CSMD3: variants seen among roughly 807,000 people sequenced by gnomAD.
CSMD3 encodes CUB and Sushi multiple domains 3.
In CSMD3, 177 loss-of-function variants were observed where a neutral mutation model predicts 435.2. That is an observed-to-expected ratio of 0.41 (90% CI 0.36 to 0.46). The LOEUF (loss-of-function observed/expected upper bound fraction) is 0.46. Among genes scored for constraint, CSMD3 ranks in the 20% least tolerant of loss-of-function variants. CSMD3 has a pLI of 0.34. For synonymous variants in CSMD3, 1,656 were observed against 1,520.5 expected (o/e 1.09, Z -2.07); for missense variants, 4,265 against 4,504.6 (o/e 0.95, Z 1.52).
At chr8:113,035,111 A>C (rs1286759000) in intron 5 of CSMD3, among the ~76,000 whole-genome samples, 1 of 152,046 alleles carries the variant, frequency 6.6e-6, no homozygotes, top group Admixed American at 6.6e-5. Context: ...TAAAGGAATG[A>C]TAATGACAAG....
At chr8:113,245,957 C>A (rs928150450) in intron 3 of CSMD3, among the ~76,000 whole-genome samples, 10 of 152,068 alleles carry the variant, frequency 6.6e-5, no homozygotes, top group Admixed American at 2.6e-4. Context: ...CTTTTAACCT[C>A]CATAAGAAAC....
chr8:112,374,809 C>T (rs11778443), intron 38 of CSMD3, among the ~76,000 whole-genome samples: 30,913 of 152,042 alleles, frequency 0.2, 3,693 homozygotes, highest in East Asian at 0.39. Context: ...ACAGTTAACA[C>T]ATTTCACAGA....
At chr8:113,105,797 A>G (rs2090457501) in intron 4 of CSMD3, among the ~76,000 whole-genome samples, 1 of 152,174 alleles carries the variant, frequency 6.6e-6, no homozygotes, top group African/African-American at 2.4e-5. Context: ...TAATACATAC[A>G]TACTAGAAGA....
At chr8:112,558,716 G>T (rs979879804) in intron 24 of CSMD3, among the ~76,000 whole-genome samples, 1 of 151,846 alleles carries the variant, frequency 6.6e-6, no homozygotes, top group Admixed American at 6.6e-5. Context: ...GAAGGGGTGT[G>T]AGCAGAGAAT....
At chr8:112,704,974 A>G (rs911003975) in intron 13 of CSMD3, among the ~76,000 whole-genome samples, 1 of 152,046 alleles carries the variant, frequency 6.6e-6, no homozygotes, top group Admixed American at 6.6e-5. Flanking sequence ...CTTCTTGATG[A>G]TTATAAGTGG....
Position 112,314,130 on chromosome 8 carries a change from T to C in CSMD3, c.7550-78A>G, listed in dbSNP as rs1283869910. On this transcript the variant is annotated intron_variant, in intron 48 of 70. Coordinates refer to ENST00000297405, the MANE Select transcript of CSMD3 (RefSeq NM_198123.2). ...TCTTTAGTATTTTATATCTTTAGAA[T>C]AGTATTAAATATGGTTAAATTGCTT... 2.8e-6 allele frequency: 3 copies of C among 1,067,734 alleles called. No homozygotes were observed. The South Asian group carries it at 4.0e-5, about 14-fold the overall frequency. 66.1% of individuals were successfully genotyped at this position (1,067,734 alleles called of 1,614,324 possible).
chr8:112,979,510 A>G (rs1445264465), intron 6 of CSMD3, among the ~76,000 whole-genome samples: 1 of 151,752 alleles, frequency 6.6e-6, no homozygotes, highest in East Asian at 1.9e-4. Context: ...ATTTTTGAAT[A>G]CACAACTATT....
At chr8:113,309,936 TGGGA>T (rs2093854557) in intron 2 of CSMD3, 1 of 152,182 alleles carries the variant, frequency 6.6e-6, no homozygotes, top group Non-Finnish European at 1.5e-5. Context: ...TAAGGACTTT[TGGGA>T]AAGCTTTTGA....
At chr8:112,730,810 GGCTT>G (rs2077058675) in intron 13 of CSMD3, among the ~76,000 whole-genome samples, 1 of 152,060 alleles carries the variant, frequency 6.6e-6, no homozygotes. Flanking sequence ...ATCAATTTAG[GGCTT>G]GCTCTTGAGC....
chr8:113,397,905 C>T (rs560603566), intron 1 of CSMD3, among the ~76,000 whole-genome samples: 31 of 151,990 alleles, frequency 2.0e-4, no homozygotes, highest in Admixed American at 6.6e-4. Context: ...CAGCTGAGTT[C>T]AAACAGCAGG....
intron 1 of CSMD3, among the ~76,000 whole-genome samples, chr8:113,332,931 A>G (rs568696797): frequency 1.3e-5 from 2 of 151,936 alleles, no homozygotes; most frequent in South Asian, 4.1e-4. Flanking sequence ...AAAGATGGAC[A>G]TAAGATTAAT....
At chr8:112,917,293 T>C (rs1045033322) in intron 10 of CSMD3, among the ~76,000 whole-genome samples, 11 of 152,044 alleles carry the variant, frequency 7.2e-5, no homozygotes, top group Middle Eastern at 6.8e-3. Context: ...TTAAATGCTA[T>C]ATTGTGTGGC....
chr8:112,689,279 C>T (rs899840802), intron 14 of CSMD3, among the ~76,000 whole-genome samples: 5 of 151,894 alleles, frequency 3.3e-5, no homozygotes, highest in Admixed American at 1.3e-4. Flanking sequence ...ACACCAAGTG[C>T]GTGAATAGGC....
At chr8:113,346,336 C>A (rs577518974) in intron 1 of CSMD3, among the ~76,000 whole-genome samples, 1 of 152,094 alleles carries the variant, frequency 6.6e-6, no homozygotes, top group South Asian at 2.1e-4. Context: ...ATAAGAAATG[C>A]AAACCTAATT....
chr8:113,132,416 T>G (rs2091306585), intron 4 of CSMD3, among the ~76,000 whole-genome samples: 1 of 151,974 alleles, frequency 6.6e-6, no homozygotes, highest in Admixed American at 6.6e-5. Context: ...TGGGTACAGG[T>G]TTCCCCCTTG....
intron 33 of CSMD3, 29 bp from the exon 34 acceptor site, chr8:112,408,442 C>G (rs2130066865): frequency 7.5e-7 from 1 of 1,327,006 alleles, no homozygotes; most frequent in South Asian, 1.2e-5. Flanking sequence ...ACTAAGATAT[C>G]ATAAATAATT....
intron 17 of CSMD3, among the ~76,000 whole-genome samples, chr8:112,663,190 T>C (rs550395785): frequency 1.4e-3 from 206 of 152,194 alleles, no homozygotes; most frequent in Non-Finnish European, 1.7e-3. Context: ...CGCACATGTA[T>C]GTTTACTGCA....
intron 10 of CSMD3, among the ~76,000 whole-genome samples, chr8:112,907,366 A>T (rs2082292017): frequency 1.3e-5 from 2 of 151,582 alleles, no homozygotes; most frequent in East Asian, 3.9e-4. Context: ...GTGCTCTTTA[A>T]TTCAGTACGG....
chr8:113,329,943 T>C (rs946207696), intron 1 of CSMD3, among the ~76,000 whole-genome samples: 1 of 152,040 alleles, frequency 6.6e-6, no homozygotes, highest in African/African-American at 2.4e-5. Context: ...AAAATTAAAA[T>C]GAGTCCTTTG....
Sources: allele counts gnomAD v4.1 joint callset (sites outside exome capture counted in the v4.1 genomes callset), GRCh38; gene constraint gnomAD v4.1.1; transcripts MANE v1.5; gene names NCBI Gene and HGNC (gene_info 2026-07-23, HGNC 2026-07-21).